The following CEP63 variants were observed in gnomAD, a reference collection of about 807,000 sequenced individuals.
The protein encoded by CEP63 is centrosomal protein of 63 kDa.
CEP63 carries 84 observed loss-of-function variants against 89.1 expected under a neutral mutation model. The observed-to-expected ratio is 0.94, with a 90% CI of 0.79 to 1.13. The LOEUF (loss-of-function observed/expected upper bound fraction) is 1.13, where lower values mean the gene tolerates loss of function less well. Ranked by LOEUF, CEP63 falls within the 50% of genes most tolerant of loss-of-function variation. CEP63 has a pLI of 0.00. For synonymous variants in CEP63, 267 were observed against 272.5 expected (o/e 0.98, Z 0.20); for missense variants, 838 against 813.3 (o/e 1.03, Z -0.37).
the CEP63 span, among the ~76,000 whole-genome samples, chr3:134,628,905 C>T: frequency 1.3e-5 from 2 of 152,214 alleles, no homozygotes; most frequent in Non-Finnish European, 2.9e-5. Context: ...CTGATGACTA[C>T]AGGACCAGAC....
intron 3 of CEP63, among the ~76,000 whole-genome samples, chr3:134,529,724 C>G (rs2108993300): frequency 6.6e-6 from 1 of 152,064 alleles, no homozygotes; most frequent in South Asian, 2.1e-4. Flanking sequence ...CCAGGCTGGT[C>G]TTAAACTCCT....
chr3:134,755,603 G>C, the CEP63 span: 1 of 152,344 alleles, frequency 6.6e-6, no homozygotes, highest in South Asian at 2.1e-4. Flanking sequence ...CCTTGCTCAA[G>C]GTGCCTCTTC....
chr3:134,513,521 A>G (rs918693578), intron 3 of CEP63, among the ~76,000 whole-genome samples: 1 of 152,184 alleles, frequency 6.6e-6, no homozygotes, highest in African/African-American at 2.4e-5. Context: ...AGGATGGTGA[A>G]CAATTACCAG....
chr3:134,492,025 A>G (rs928580481), intron 1 of CEP63, among the ~76,000 whole-genome samples: 45 of 151,110 alleles, frequency 3.0e-4, no homozygotes, highest in African/African-American at 1.0e-3. Context: ...GTCTATGTTA[A>G]TGAATTTCAA....
At chr3:134,702,639 ACAT>A in the CEP63 span, among the ~76,000 whole-genome samples, 1 of 152,180 alleles carries the variant, frequency 6.6e-6, no homozygotes, top group Non-Finnish European at 1.5e-5. Context: ...CAAGAAAAAA[ACAT>A]TAAAAAGTGG....
chr3:134,607,549 G>A, the CEP63 span: 4 of 985,544 alleles, frequency 4.1e-6, no homozygotes, highest in East Asian at 1.1e-4. Context: ...GGACTGACCC[G>A]ACTTACAGGG....
the CEP63 span, among the ~76,000 whole-genome samples, chr3:134,689,125 T>A: frequency 1.3e-5 from 2 of 152,244 alleles, no homozygotes; most frequent in East Asian, 1.9e-4. Context: ...AATCTCCTGT[T>A]GGCCTCATTT....
At chr3:134,768,065 G>C in the CEP63 span, among the ~76,000 whole-genome samples, 1 of 152,208 alleles carries the variant, frequency 6.6e-6, no homozygotes, top group East Asian at 1.9e-4. Context: ...AGGACACAGC[G>C]TGAGGCCAGG....
At chr3:134,668,513 T>C in the CEP63 span, among the ~76,000 whole-genome samples, 27 of 152,234 alleles carry the variant, frequency 1.8e-4, no homozygotes, top group East Asian at 5.0e-3. Flanking sequence ...TGAGCCCACC[T>C]AGAGTGGAGA....
chr3:134,622,894 C>T, the CEP63 span, among the ~76,000 whole-genome samples: 2 of 152,188 alleles, frequency 1.3e-5, no homozygotes, highest in African/African-American at 2.4e-5. Context: ...CATCTCACTG[C>T]TCACAAGAGA....
chr3:134,607,561 T>A, the CEP63 span: 10 of 985,506 alleles, frequency 1.0e-5, no homozygotes, highest in Admixed American at 6.1e-5. Context: ...CTTACAGGGC[T>A]GTGCAGCGTG....
the CEP63 span, among the ~76,000 whole-genome samples, chr3:134,595,688 T>C: frequency 6.6e-6 from 1 of 152,194 alleles, no homozygotes; most frequent in Admixed American, 6.5e-5. Context: ...GTGGGCCCTG[T>C]CTAGGTGGCC....
At chr3:134,660,749 C>T in the CEP63 span, among the ~76,000 whole-genome samples, 1 of 152,134 alleles carries the variant, frequency 6.6e-6, no homozygotes, top group East Asian at 1.9e-4. Flanking sequence ...GTCCTGTGGG[C>T]AAAGCAGACT....
At chr3:134,573,161 A>G (rs1197559048) in intron 11 of CEP63, among the ~76,000 whole-genome samples, 1 of 152,090 alleles carries the variant, frequency 6.6e-6, no homozygotes, top group East Asian at 1.9e-4. Flanking sequence ...TGGATATTAA[A>G]TCTTTGTCAG....
chr3:134,644,825 C>CA, the CEP63 span, among the ~76,000 whole-genome samples: 2 of 152,242 alleles, frequency 1.3e-5, no homozygotes, highest in African/African-American at 4.8e-5. Context: ...CTGCCTCCTC[C>CA]AGCCTTCTCC....
chr3:134,654,392 C>T, the CEP63 span, among the ~76,000 whole-genome samples: 5 of 152,166 alleles, frequency 3.3e-5, no homozygotes, highest in Non-Finnish European at 5.9e-5. Context: ...TTTCTCTCTT[C>T]TCTATAGAGA....
the CEP63 span, chr3:134,608,153 G>C: frequency 3.5e-6 from 4 of 1,148,224 alleles, no homozygotes; most frequent in Non-Finnish European, 4.3e-6. Flanking sequence ...TTCCAGCTCT[G>C]CTGAGGCCAT....
chr3:134,619,112 T>G, the CEP63 span: 4 of 1,526,626 alleles, frequency 2.6e-6, no homozygotes, highest in Non-Finnish European at 3.6e-6. Flanking sequence ...GAGGGATGGG[T>G]CCGGTGGTCA....
the CEP63 span, among the ~76,000 whole-genome samples, chr3:134,677,206 C>A: frequency 3.0e-4 from 46 of 152,294 alleles, no homozygotes; most frequent in African/African-American, 9.6e-4. Context: ...TTGCAGTGAG[C>A]GCAGATGGCG....
Sources: allele counts gnomAD v4.1 joint callset (sites outside exome capture counted in the v4.1 genomes callset), GRCh38; gene constraint gnomAD v4.1.1; transcripts MANE v1.5; gene names NCBI Gene and HGNC (gene_info 2026-07-23, HGNC 2026-07-21).